The following CSMD3 variants were observed in gnomAD, a reference collection of about 807,000 sequenced individuals.
CSMD3 encodes the protein CUB and sushi domain-containing protein 3.
Under a neutral mutation model 435.2 loss-of-function variants are expected in CSMD3, and 177 were observed. The observed-to-expected ratio is 0.41, with a 90% confidence interval of 0.36 to 0.46. The LOEUF (loss-of-function observed/expected upper bound fraction) is 0.46. Ranked by LOEUF, CSMD3 falls within the 20% of genes least tolerant of loss-of-function variation. The pLI is 0.34. For synonymous variants in CSMD3, 1,656 were observed against 1,520.5 expected (o/e 1.09, Z -2.07); for missense variants, 4,265 against 4,504.6 (o/e 0.95, Z 1.52).
intron 45 of CSMD3, among the ~76,000 whole-genome samples, chr8:112,324,128 G>A (rs1823270833): frequency 6.6e-6 from 1 of 151,902 alleles, no homozygotes; most frequent in South Asian, 2.1e-4. Flanking sequence ...GATAAAGCAA[G>A]ATCATTACCC....
At chr8:112,760,871 C>CT (rs1293990124) in intron 13 of CSMD3, among the ~76,000 whole-genome samples, 1 of 152,082 alleles carries the variant, frequency 6.6e-6, no homozygotes, top group Non-Finnish European at 1.5e-5. Context: ...AGTTAAAAGT[C>CT]TTTTGAGGCA....
chr8:112,277,084 A>G (rs1478428687), intron 59 of CSMD3, among the ~76,000 whole-genome samples: 1 of 152,240 alleles, frequency 6.6e-6, no homozygotes, highest in South Asian at 2.1e-4. Flanking sequence ...TTGGCTCCTC[A>G]TTACTTTCAC....
chr8:113,360,422 ATTTAT>A (rs947213249), intron 1 of CSMD3, among the ~76,000 whole-genome samples: 2 of 152,124 alleles, frequency 1.3e-5, no homozygotes, highest in African/African-American at 4.8e-5. Context: ...ACATACATTG[ATTTAT>A]TTTGTTTATC....
At chr8:112,405,609 C>T (rs1008962516) in intron 35 of CSMD3, among the ~76,000 whole-genome samples, 3 of 151,522 alleles carry the variant, frequency 2.0e-5, no homozygotes, top group African/African-American at 7.3e-5. Context: ...AAAACAACTT[C>T]GAAACAATAA....
In CSMD3 at chr8:113,219,268, A is replaced by G. The variant is rs1273304346; in HGVS notation, c.515-45352T>C. Reference sequence around the variant, plus strand: ...AAAAGGAAACTGAAGAAATATGACAATAGAGAAGAGAAGTAAAACTATACC... The same window carrying G: ...AAAAGGAAACTGAAGAAATATGACAGTAGAGAAGAGAAGTAAAACTATACC... On this transcript the variant is annotated intron_variant, in intron 3 of 70. Coordinates refer to ENST00000297405, the MANE Select transcript of CSMD3 (RefSeq NM_198123.2). Among the ~76,000 whole-genome samples, 3 of 151,374 alleles carry G rather than the reference A, an allele frequency of 2.0e-5. No individual in the cohort carries two copies. In the East Asian group the frequency reaches 5.8e-4, roughly 29 times the overall value.
chr8:112,352,308 CACAA>C (rs1826200928), intron 39 of CSMD3, 104 bp downstream of exon 39: 6 of 1,554,738 alleles, frequency 3.9e-6, no homozygotes. Flanking sequence ...TGACCTCAGA[CACAA>C]ACCAGGATCA....
chr8:112,544,920 T>C (rs1311578850), intron 27 of CSMD3, among the ~76,000 whole-genome samples: 1 of 152,206 alleles, frequency 6.6e-6, no homozygotes, highest in Non-Finnish European at 1.5e-5. Flanking sequence ...ATAAAGCATA[T>C]TTCAATGATA....
At chr8:113,310,416 A>C (rs961719802) in intron 2 of CSMD3, 3 of 151,994 alleles carry the variant, frequency 2.0e-5, no homozygotes, top group Non-Finnish European at 4.4e-5. Flanking sequence ...AAAACAGCTA[A>C]GATTTAACAA....
chr8:113,101,711 C>T (rs977884256), intron 4 of CSMD3, among the ~76,000 whole-genome samples: 74 of 152,044 alleles, frequency 4.9e-4, no homozygotes, highest in Non-Finnish European at 5.0e-4. Context: ...CTCAGTTCCT[C>T]CAGCATTCAA....
At chr8:112,410,004 T>C (rs1832191381) in intron 32 of CSMD3, among the ~76,000 whole-genome samples, 1 of 151,986 alleles carries the variant, frequency 6.6e-6, no homozygotes, top group Admixed American at 6.6e-5. Flanking sequence ...AAATTGTTCA[T>C]TCCATGAGTA....
intron 32 of CSMD3, among the ~76,000 whole-genome samples, chr8:112,433,403 C>T (rs1487061863): frequency 6.6e-6 from 1 of 150,546 alleles, no homozygotes; most frequent in East Asian, 1.9e-4. Context: ...TGCCTGTAAT[C>T]CCAGTACTTT....
Position 112,944,136 on chromosome 8 carries a change from G to A in CSMD3, c.1508+3654C>T, listed in dbSNP as rs1587727365. On this transcript the variant is annotated intron_variant, in intron 9 of 70. Coordinates refer to ENST00000297405, the MANE Select transcript of CSMD3 (RefSeq NM_198123.2). ...AAAACTATTTTTCATTTTTCTCTCA[G>A]TCTTAAACTTTCTCTCCCATCCATC... is the stretch of plus-strand genomic sequence containing the variant. 3.3e-5 allele frequency among the ~76,000 whole-genome samples: 5 copies of A among 151,496 alleles called. No individual in the cohort carries two copies. The South Asian group carries it at 1.0e-3, about 31-fold the overall frequency.
At chr8:112,463,766 T>C (rs1366743425) in intron 32 of CSMD3, among the ~76,000 whole-genome samples, 2 of 152,104 alleles carry the variant, frequency 1.3e-5, no homozygotes, top group African/African-American at 4.8e-5. Context: ...TGTGTGGCTA[T>C]TGGTTGTGTG....
At chr8:112,408,465 A>G (rs765349275) in intron 33 of CSMD3, 52 bp from the exon 34 acceptor site, 5 of 1,081,038 alleles carry the variant, frequency 4.6e-6, no homozygotes, top group South Asian at 3.7e-5. Flanking sequence ...CATTCAGTAA[A>G]CCTAACAAAT....
chr8:112,831,765 A>G (rs2079883030), intron 11 of CSMD3, among the ~76,000 whole-genome samples: 1 of 152,128 alleles, frequency 6.6e-6, no homozygotes, highest in Admixed American at 6.6e-5. Flanking sequence ...CACTTTGAAA[A>G]CAATAATATT....
At chr8:112,616,510 T>A (rs1833675309) in intron 22 of CSMD3, among the ~76,000 whole-genome samples, 2 of 152,112 alleles carry the variant, frequency 1.3e-5, no homozygotes, top group East Asian at 3.9e-4. Context: ...TGTCAAGTAG[T>A]CAAGTAGTCC....
At chr8:112,458,215 C>CACACCCACACACACACACA (rs1554579456) in intron 32 of CSMD3, among the ~76,000 whole-genome samples, 1 of 150,690 alleles carries the variant, frequency 6.6e-6, no homozygotes, top group Non-Finnish European at 1.5e-5. Context: ...ACACTCACAC[C>CACACCCACACACACACACA]CACACACACA....
At chr8:112,653,462 C>T (rs919634365) in intron 18 of CSMD3, among the ~76,000 whole-genome samples, 25 of 151,878 alleles carry the variant, frequency 1.6e-4, no homozygotes, top group African/African-American at 5.8e-4. Flanking sequence ...GTTCTGTATC[C>T]ATTTTCAATT....
chr8:112,834,244 A>G (rs1179035998), intron 11 of CSMD3, among the ~76,000 whole-genome samples: 1 of 151,978 alleles, frequency 6.6e-6, no homozygotes, highest in Non-Finnish European at 1.5e-5. Flanking sequence ...ATTTTTAGAC[A>G]CTTAATAATT....
Sources: allele counts gnomAD v4.1 joint callset (sites outside exome capture counted in the v4.1 genomes callset), GRCh38; gene constraint gnomAD v4.1.1; transcripts MANE v1.5; gene names NCBI Gene and HGNC (gene_info 2026-07-23, HGNC 2026-07-21).